The following PRTFDC1 variants were observed in gnomAD, a reference collection of about 807,000 sequenced individuals.
PRTFDC1 encodes phosphoribosyl transferase domain containing 1.
In PRTFDC1, 38 loss-of-function variants were observed where a neutral mutation model predicts 34.6. The observed-to-expected ratio is 1.10, with a 90% CI of 0.85 to 1.44. The LOEUF is 1.44. Ranked by LOEUF, PRTFDC1 falls within the 40% of genes most tolerant of loss-of-function variation. The pLI is 0.00. For missense variants in PRTFDC1, 270 were observed against 283.0 expected (o/e 0.95, Z 0.33); for synonymous variants, 93 against 98.1 (o/e 0.95, Z 0.31).
At chr10:24,919,481 C>T (rs1433668758) in intron 3 of PRTFDC1, among the ~76,000 whole-genome samples, 1 of 152,156 alleles carries the variant, frequency 6.6e-6, no homozygotes, top group Non-Finnish European at 1.5e-5. Context: ...CAAAAATTAA[C>T]TCCAGATGGA....
chr10:24,916,782 CCTGT>C (rs1486911220), intron 3 of PRTFDC1, among the ~76,000 whole-genome samples: 5 of 152,240 alleles, frequency 3.3e-5, no homozygotes, highest in African/African-American at 7.2e-5. Flanking sequence ...TTTTCAATTT[CCTGT>C]CTGTTTTACC....
At chr10:24,865,632 GAAAA>G (rs1419923399) in intron 4 of PRTFDC1, among the ~76,000 whole-genome samples, 1 of 152,058 alleles carries the variant, frequency 6.6e-6, no homozygotes, top group Non-Finnish European at 1.5e-5. Context: ...TAACAAAAAA[GAAAA>G]AGAAAGGAAG....
chr10:24,941,413 A>G (rs1849156327), intron 2 of PRTFDC1, among the ~76,000 whole-genome samples: 1 of 151,390 alleles, frequency 6.6e-6, no homozygotes. Flanking sequence ...ATTTGAGATT[A>G]GCCCAGGTTA....
chr10:24,940,218 A>G (rs1334892212), intron 2 of PRTFDC1, among the ~76,000 whole-genome samples: 1 of 152,216 alleles, frequency 6.6e-6, no homozygotes, highest in Non-Finnish European at 1.5e-5. Flanking sequence ...TAACACATAT[A>G]CAATACTTCA....
At chr10:24,866,031 C>A (rs1312926527) in intron 4 of PRTFDC1, among the ~76,000 whole-genome samples, 1 of 152,050 alleles carries the variant, frequency 6.6e-6, no homozygotes, top group Non-Finnish European at 1.5e-5. Flanking sequence ...CAAGGGGGAA[C>A]TTTTGGCAGT....
In PRTFDC1 at chr10:24,851,406, T is replaced by C; in HGVS notation, c.612A>G (p.Glu204=). 16 of 1,612,352 alleles carry C rather than the reference T, an allele frequency of 9.9e-6. No homozygotes were observed. The highest frequency in any genetic ancestry group is 1.3e-5 in the Non-Finnish European group (15 of 1,179,638). Residue 204 remains glutamate, a synonymous_variant, in exon 8 of 9, where the codon GAA becomes GAG. Transcript: ENST00000320152. Reference sequence around the variant, plus strand: ...GACTTACATTCAGATCTCTGAAGTATTCATTGTAATCTAAGGCATATCCCA... The same window carrying C: ...GACTTACATTCAGATCTCTGAAGTACTCATTGTAATCTAAGGCATATCCCA... The part of the protein sequence containing the change: ...FVVGYALDYN[E]YFRDLNHICV...
intron 5 of PRTFDC1, among the ~76,000 whole-genome samples, chr10:24,857,960 G>A (rs1284262812): frequency 6.6e-6 from 1 of 152,138 alleles, no homozygotes; most frequent in Admixed American, 6.5e-5. Flanking sequence ...TTAATTGATT[G>A]TGTTTATGAT....
intron 1 of PRTFDC1, among the ~76,000 whole-genome samples, chr10:24,949,676 G>A (rs1030778221): frequency 6.6e-6 from 1 of 151,768 alleles, no homozygotes; most frequent in Non-Finnish European, 1.5e-5. Context: ...CAAGCACCAA[G>A]CCCCTTGGCA....
intron 4 of PRTFDC1, among the ~76,000 whole-genome samples, chr10:24,869,751 C>A (rs1847843994): frequency 6.6e-6 from 1 of 152,202 alleles, no homozygotes; most frequent in African/African-American, 2.4e-5. Context: ...AGCCTTTCTG[C>A]CTCAACAAAG....
chr10:24,948,615 G>A (rs73606597), intron 1 of PRTFDC1, among the ~76,000 whole-genome samples: 4,947 of 152,170 alleles, frequency 0.033, 231 homozygotes, highest in African/African-American at 0.11. Flanking sequence ...TTTACTTCTC[G>A]TTTTATATTT....
chr10:24,913,679 CAG>C (rs1490823553), intron 3 of PRTFDC1, among the ~76,000 whole-genome samples: 3 of 152,180 alleles, frequency 2.0e-5, no homozygotes, highest in African/African-American at 7.2e-5. Context: ...TATTCTCACT[CAG>C]ATTATATAGT....
At chr10:24,887,949 C>CA (rs1412548887) in intron 3 of PRTFDC1, among the ~76,000 whole-genome samples, 2 of 152,160 alleles carry the variant, frequency 1.3e-5, no homozygotes, top group Non-Finnish European at 2.9e-5. Context: ...TTTGTAGAGA[C>CA]AGGGTCTCAC....
chr10:24,895,329 G>A (rs1848335340), intron 3 of PRTFDC1, among the ~76,000 whole-genome samples: 1 of 137,396 alleles, frequency 7.3e-6, no homozygotes, highest in Admixed American at 8.0e-5. Flanking sequence ...TTGGCTCACT[G>A]CAACCTCTGC....
At chr10:24,923,283 T>C (rs1848818671) in intron 3 of PRTFDC1, among the ~76,000 whole-genome samples, 1 of 152,212 alleles carries the variant, frequency 6.6e-6, no homozygotes, top group Non-Finnish European at 1.5e-5. Flanking sequence ...CTGATAGCTC[T>C]GAAGAGAGCA....
At chr10:24,853,439 C>A (rs1249685703) in intron 7 of PRTFDC1, among the ~76,000 whole-genome samples, 2 of 151,972 alleles carry the variant, frequency 1.3e-5, no homozygotes, top group African/African-American at 4.8e-5. Context: ...TGGTGAAACC[C>A]CATCTCTACT....
At chr10:24,904,643 A>T (rs139409639) in intron 3 of PRTFDC1, among the ~76,000 whole-genome samples, 3 of 152,236 alleles carry the variant, frequency 2.0e-5, no homozygotes, top group Admixed American at 2.0e-4. Context: ...TCTTCTAGAA[A>T]CACCTTAAGA....
chr10:24,872,187 T>C, intron 3 of PRTFDC1, 124 bp from the exon 4 acceptor site: 1 of 790,230 alleles, frequency 1.3e-6, no homozygotes, highest in South Asian at 1.6e-5. Flanking sequence ...AAATAGCTAA[T>C]AGGGATTCAT....
intron 2 of PRTFDC1, among the ~76,000 whole-genome samples, chr10:24,940,175 A>C (rs1849132243): frequency 6.6e-6 from 1 of 152,188 alleles, no homozygotes; most frequent in South Asian, 2.1e-4. Context: ...ATATAGTTGA[A>C]CTGAGAAGCA....
chr10:24,867,041 G>GGAGA (rs137880427), intron 4 of PRTFDC1, among the ~76,000 whole-genome samples: 10 of 131,364 alleles, frequency 7.6e-5, no homozygotes, highest in African/African-American at 2.6e-4. Context: ...ATGGAGGGAG[G>GGAGA]GAGAGAGAGA....
Sources: gnomAD v4.1 joint callset for allele counts (sites outside exome capture counted in the v4.1 genomes callset) on GRCh38, gnomAD v4.1.1 for gene constraint, MANE v1.5 for transcripts, NCBI Gene and HGNC (gene_info 2026-07-23, HGNC 2026-07-21) for gene names.